Variants in FFAR4 observed in about 807,000 individuals in gnomAD.
FFAR4 encodes free fatty acid receptor 4.
FFAR4 carries 19 observed loss-of-function variants against 27.0 expected under a neutral mutation model. The ratio of observed to expected loss-of-function variants is 0.70; its 90% CI spans 0.49 to 1.03. FFAR4 has a LOEUF of 1.03. Among genes scored for constraint, FFAR4 ranks in the 50% least tolerant of loss-of-function variants. The probability of loss-of-function intolerance (pLI) is 0.00; values close to 1 mark genes in which losing one functional copy is unlikely to be tolerated. For synonymous variants in FFAR4, 254 were observed against 215.6 expected (o/e 1.18, Z -1.56); for missense variants, 476 against 479.0 (o/e 0.99, Z 0.06).
At chr10:93,571,240 G>A (rs763357536) in intron 1 of FFAR4, among the ~76,000 whole-genome samples, 3 of 152,072 alleles carry the variant, frequency 2.0e-5, no homozygotes, top group Non-Finnish European at 4.4e-5. Context: ...GACCCACATC[G>A]GCAGGTGGAG....
intron 1 of FFAR4, among the ~76,000 whole-genome samples, chr10:93,570,101 C>T (rs1480972855): frequency 3.3e-5 from 5 of 151,438 alleles, no homozygotes; most frequent in African/African-American, 1.2e-4. Context: ...ATGGGACAAT[C>T]CTTTCTGGCT....
intron 1 of FFAR4, among the ~76,000 whole-genome samples, chr10:93,571,866 G>A (rs1392662051): frequency 1.3e-5 from 2 of 152,110 alleles, no homozygotes; most frequent in Non-Finnish European, 2.9e-5. Context: ...TCTACCAAGG[G>A]TCTCCAGAGG....
intron 2 of FFAR4, among the ~76,000 whole-genome samples, chr10:93,580,954 T>G (rs1386131667): frequency 2.0e-5 from 3 of 152,268 alleles, no homozygotes; most frequent in Non-Finnish European, 4.4e-5. Flanking sequence ...CGGATCAGGC[T>G]GTCACCACTG....
intron 2 of FFAR4, among the ~76,000 whole-genome samples, chr10:93,586,219 T>G (rs1415612572): frequency 6.6e-6 from 1 of 152,210 alleles, no homozygotes; most frequent in Non-Finnish European, 1.5e-5. Context: ...TCCCACAGGC[T>G]ACTCTCGTAA....
At chr10:93,575,993 T>C (rs2058161327) in intron 1 of FFAR4, 98 bp from the exon 2 acceptor site, 7 of 1,226,078 alleles carry the variant, frequency 5.7e-6, no homozygotes, top group Non-Finnish European at 8.3e-6. Context: ...AACTGGGCAA[T>C]GCAACCGTGT....
intron 2 of FFAR4, 84 bp from the exon 3 acceptor site, chr10:93,587,136 G>A: frequency 7.9e-7 from 1 of 1,259,838 alleles, no homozygotes; most frequent in South Asian, 1.4e-5. Flanking sequence ...GGGGATAGCA[G>A]ATTCCAACTC....
At chr10:93,567,669 G>T (rs1407243155) in intron 1 of FFAR4, among the ~76,000 whole-genome samples, 1 of 152,142 alleles carries the variant, frequency 6.6e-6, no homozygotes, top group Non-Finnish European at 1.5e-5. Flanking sequence ...TCACAGATGA[G>T]AACCAGAGGC....
rs1459068507 is a variant in FFAR4 at position 93,587,407 on chromosome 10, A to G, written c.884A>G (p.Asp295Gly). 6.2e-7 allele frequency: 1 copy of G among 1,612,844 alleles called. No individual in the cohort carries two copies. Among genetic ancestry groups the G allele is most frequent in the Non-Finnish European group, 8.5e-7 (1 of 1,179,686 alleles). ...LLILIQNFKQ[D>G]LVIWPSLFFW... ...ATCCTGATCCAGAACTTCAAGCAAG[A>G]CCTGGTCATCTGGCCGTCCCTCTTC... Residue 295 changes from aspartate (D) to glycine (G), a missense_variant, in exon 3 of 3, where the codon GAC becomes GGC. Physicochemically the swap from Asp to Gly is moderately conservative, Grantham distance 94. Coordinates refer to ENST00000371481, the MANE Select transcript of FFAR4 (RefSeq NM_001195755.2).
chr10:93,587,225 A>T lies in FFAR4; in HGVS notation c.702A>T (p.Thr234=), dbSNP rs761275072. The T allele has an allele frequency of 2.5e-6, 4 of 1,612,324 alleles. No individual in the cohort carries two copies. Among genetic ancestry groups the T allele is most frequent in the Non-Finnish European group, 3.4e-6 (4 of 1,178,878 alleles). ...CCTGTTTTGGTTTTCCACAGATCACAAAGGCATCAAGGAAGAGGCTCACGG... is the reference window on the plus strand; with the variant it reads ...CCTGTTTTGGTTTTCCACAGATCACTAAGGCATCAAGGAAGAGGCTCACGG... ...VISYSKILQI[T]KASRKRLTVS... Residue 234 remains threonine, a synonymous_variant, in exon 3 of 3, where the codon ACA becomes ACT. Transcript: ENST00000371481.
intron 1 of FFAR4, among the ~76,000 whole-genome samples, chr10:93,572,294 G>C (rs2058136258): frequency 6.6e-6 from 1 of 152,180 alleles, no homozygotes; most frequent in Non-Finnish European, 1.5e-5. Flanking sequence ...GTGAAGATGA[G>C]AGGAAGTAAA....
At chr10:93,573,478 AGAATCAAAAC>A (rs1386209543) in intron 1 of FFAR4, among the ~76,000 whole-genome samples, 1 of 152,230 alleles carries the variant, frequency 6.6e-6, no homozygotes, top group African/African-American at 2.4e-5. Context: ...GAGAATACCT[AGAATCAAAAC>A]GACTTAAGCC....
At chr10:93,575,131 TCA>T (rs1484435128) in intron 1 of FFAR4, among the ~76,000 whole-genome samples, 1 of 152,232 alleles carries the variant, frequency 6.6e-6, no homozygotes, top group Non-Finnish European at 1.5e-5. Flanking sequence ...CCTTGGCCCT[TCA>T]AAATCAATAA....
Position 93,566,989 on chromosome 10 carries a change from G to A in FFAR4, c.269G>A (p.Ser90Asn). Residue 90 changes from serine (S) to asparagine (N), a missense_variant, in exon 1 of 3, where the codon AGC becomes AAC. Coordinates refer to ENST00000371481, the MANE Select transcript of FFAR4 (RefSeq NM_001195755.2). ...TTCTGCGCGGACCTGCTCTTCATCAGCGCTATCCCTCTGGTGCTGGCCGTG... is the reference window on the plus strand; with the variant it reads ...TTCTGCGCGGACCTGCTCTTCATCAACGCTATCCCTCTGGTGCTGGCCGTG... ...NLFCADLLFI[S>N]AIPLVLAVRW... 6.2e-7 allele frequency: 1 copy of A among 1,611,984 alleles called. No individual in the cohort carries two copies. The highest frequency in any genetic ancestry group is 8.5e-7 in the Non-Finnish European group (1 of 1,179,870).
intron 2 of FFAR4, among the ~76,000 whole-genome samples, chr10:93,584,909 A>G (rs1327793009): frequency 1.3e-5 from 2 of 151,844 alleles, no homozygotes; most frequent in African/African-American, 4.8e-5. Flanking sequence ...GGGTTTCACC[A>G]TGTTGCCAGG....
In FFAR4 at chr10:93,567,150, C is replaced by G; in HGVS notation, c.430C>G (p.Gln144Glu). 6.2e-7 allele frequency: 1 copy of G among 1,605,964 alleles called. No individual in the cohort carries two copies. ...GCGCATGGTGTGCATCGTGCACCTG[C>G]AGCGCGGCGTGCGGGGTCCTGGGCG... Reference protein sequence around the residue: ...LERMVCIVHLQRGVRGPGRRA... With the variant: ...LERMVCIVHLERGVRGPGRRA... The change falls in exon 1 of 3, where the codon CAG becomes GAG. Residue 144 changes from glutamine to glutamate, a missense_variant. Coordinates refer to ENST00000371481, the MANE Select transcript of FFAR4 (RefSeq NM_001195755.2).
chr10:93,567,314 C>G (rs1287257094), intron 1 of FFAR4, 27 bp downstream of exon 1: 1 of 1,587,364 alleles, frequency 6.3e-7, no homozygotes, highest in East Asian at 2.2e-5. Context: ...GTGTGCCGGG[C>G]AGGTGTCCTG....
At chr10:93,583,246 C>CAAAAAAA (rs56030960) in intron 2 of FFAR4, among the ~76,000 whole-genome samples, 1 of 102,288 alleles carries the variant, frequency 9.8e-6, no homozygotes, top group East Asian at 3.7e-4. Flanking sequence ...ACTAAAAATA[C>CAAAAAAA]AAAAAAAAAA....
At chr10:93,577,530 G>C (rs189447695) in intron 2 of FFAR4, among the ~76,000 whole-genome samples, 18 of 152,344 alleles carry the variant, frequency 1.2e-4, no homozygotes, top group Non-Finnish European at 1.9e-4. Context: ...CCTGAGGCTT[G>C]TTCAAGTGCA....
chr10:93,576,178 C>T lies in FFAR4; in HGVS notation c.655C>T (p.Pro219Ser). ...TTTTGTTACTTTGAACTTCTTGGTG[C>T]CAGGACTGGTCATTGTGATCAGTTA... is the stretch of plus-strand genomic sequence containing the variant. ...VSFVTLNFLV[P>S]GLVIVISYSK... The change falls in exon 2 of 3, where the codon CCA becomes TCA. Residue 219 changes from proline to serine, a missense_variant. Coordinates refer to ENST00000371481, the MANE Select transcript of FFAR4 (RefSeq NM_001195755.2). 1.2e-6 allele frequency: 2 copies of T among 1,613,938 alleles called. No homozygotes were observed. Among genetic ancestry groups the T allele is most frequent in the Non-Finnish European group, 1.7e-6 (2 of 1,179,850 alleles).
Sources: gnomAD v4.1 joint callset for allele counts (sites outside exome capture counted in the v4.1 genomes callset) on GRCh38, gnomAD v4.1.1 for gene constraint, MANE v1.5 for transcripts, NCBI Gene and HGNC (gene_info 2026-07-23, HGNC 2026-07-21) for gene names.